The following CYP4F12 variants were observed in gnomAD, a reference collection of about 807,000 sequenced individuals.
The protein encoded by CYP4F12 is cytochrome P450 family 4 subfamily F member 12.
In CYP4F12, 60 loss-of-function variants were observed where a neutral mutation model predicts 56.5. That is an observed-to-expected ratio of 1.06 (90% CI 0.86 to 1.32). The LOEUF (loss-of-function observed/expected upper bound fraction) is 1.32. Ranked by LOEUF, CYP4F12 falls within the 40% of genes most tolerant of loss-of-function variation. The probability of loss-of-function intolerance (pLI) is 0.00; values close to 1 mark genes in which losing one functional copy is unlikely to be tolerated. For synonymous variants in CYP4F12, 263 were observed against 264.9 expected, an observed-to-expected ratio of 0.99 and a Z score of 0.07; for missense variants, 711 against 683.5, an observed-to-expected ratio of 1.04 and a Z score of -0.45.
chr19:15,694,054 G>C (rs151187032), intron 9 of CYP4F12, among the ~76,000 whole-genome samples: 51 of 151,926 alleles, frequency 3.4e-4, no homozygotes, highest in African/African-American at 1.1e-3. Context: ...CTAGATCTCT[G>C]TTTTGGTACC....
chr19:15,686,903 T>A (rs16980720), intron 9 of CYP4F12, among the ~76,000 whole-genome samples: 44,259 of 152,056 alleles, frequency 0.29, 7,158 homozygotes, highest in African/African-American at 0.42. Flanking sequence ...ACAGCAGTCC[T>A]AAAAGGTGGC....
intron 9 of CYP4F12, among the ~76,000 whole-genome samples, chr19:15,686,547 G>A (rs1034535621): frequency 6.6e-6 from 1 of 151,806 alleles, no homozygotes; most frequent in Admixed American, 6.6e-5. Flanking sequence ...GAAGGAGACA[G>A]AGAGAGAATG....
intron 1 of CYP4F12, 173 bp from the exon 2 acceptor site, chr19:15,673,356 T>G (rs1599934053): frequency 1.5e-6 from 1 of 665,674 alleles, no homozygotes; most frequent in Non-Finnish European, 2.6e-6. Flanking sequence ...GGAGGCCACT[T>G]AGTTGTTGGT....
chr19:15,694,490 T>G (rs1568426366), intron 9 of CYP4F12, among the ~76,000 whole-genome samples: 1 of 79,264 alleles, frequency 1.3e-5, no homozygotes, highest in Non-Finnish European at 2.6e-5. Flanking sequence ...GCTCTCTGTT[T>G]GTCTGTTATT....
intron 1 of CYP4F12, 72 bp downstream of exon 1, chr19:15,673,207 T>A (rs1187851442): frequency 2.0e-6 from 1 of 506,312 alleles, no homozygotes; most frequent in South Asian, 1.5e-5. Flanking sequence ...AAGGCTGGGG[T>A]GGCTCCAAGA....
At chr19:15,684,921 T>G (rs1384089300) in intron 8 of CYP4F12, 39 bp downstream of exon 8, 1 of 1,571,100 alleles carries the variant, frequency 6.4e-7, no homozygotes, top group Non-Finnish European at 8.7e-7. Flanking sequence ...GAGACAGAGG[T>G]CCCTCCATCT....
At chr19:15,694,585 T>G (rs2008033012) in intron 9 of CYP4F12, among the ~76,000 whole-genome samples, 1 of 152,174 alleles carries the variant, frequency 6.6e-6, no homozygotes, top group Admixed American at 6.5e-5. Context: ...TAAGGAGATT[T>G]TGGGCTGAGA....
chr19:15,693,732 C>T (rs1470235278), intron 9 of CYP4F12, among the ~76,000 whole-genome samples: 2 of 150,496 alleles, frequency 1.3e-5, no homozygotes, highest in African/African-American at 4.9e-5. Context: ...GTTGCCATTG[C>T]TTTTGGTGTT....
rs546203637 is a variant in CYP4F12, at chr19:15,694,042, A to G, written c.1116-1894A>G. 1.3e-3 allele frequency among the ~76,000 whole-genome samples: 196 copies of G among 151,958 alleles called. 2 individuals carry two copies. The highest frequency in any genetic ancestry group is 3.4e-3 in the Middle Eastern group (1 of 294). On this transcript the variant is annotated intron_variant, in intron 9 of 12. Transcript: ENST00000550308. ...CTGAGGGCTCTGTTCTGTTCCATTGATCTAGATCTCTGTTTTGGTACCAGT... is the reference window on the plus strand; with the variant it reads ...CTGAGGGCTCTGTTCTGTTCCATTGGTCTAGATCTCTGTTTTGGTACCAGT...
chr19:15,688,108 G>T (rs10420532), intron 9 of CYP4F12, among the ~76,000 whole-genome samples: 41,417 of 151,884 alleles, frequency 0.27, 5,607 homozygotes, highest in African/African-American at 0.36. Context: ...TATGGCCTGG[G>T]GCAGGGCTGA....
At position 15,673,609 on chromosome 19, in the gene CYP4F12, G is replaced by T; in HGVS notation, c.80G>T (p.Gly27Val). Residue 27 changes from glycine (G) to valine (V), a missense_variant, in exon 2 of 13, where the codon GGC becomes GTC. Gly to Val is a moderately radical substitution (Grantham distance 109). Coordinates refer to ENST00000550308, the MANE Select transcript of CYP4F12 (RefSeq NM_023944.4). Reference protein sequence around the residue: ...SPWLLLLLVVGSWLLARILAW... With the variant: ...SPWLLLLLVVVSWLLARILAW... ...TGGCTACTCCTGCTGCTGGTTGTGG[G>T]CTCCTGGCTACTCGCCCGCATCCTG... is the stretch of plus-strand genomic sequence containing the variant. 6.2e-7 allele frequency: 1 copy of T among 1,614,082 alleles called. No homozygotes were observed. Among genetic ancestry groups the T allele is most frequent in the Non-Finnish European group, 8.5e-7 (1 of 1,179,986 alleles).
chr19:15,696,765 T>C (rs969060999), intron 12 of CYP4F12, 143 bp from the exon 13 acceptor site: 1 of 1,197,528 alleles, frequency 8.4e-7, no homozygotes, highest in South Asian at 1.6e-5. Flanking sequence ...CAAGCCCACA[T>C]GGGAGTCCCA....
At chr19:15,676,354 A>C (rs73005962) in intron 2 of CYP4F12, among the ~76,000 whole-genome samples, 38 of 29,272 alleles carry the variant, frequency 1.3e-3, no homozygotes, top group African/African-American at 1.8e-3. Context: ...TTCTAATACC[A>C]ACTCACTCAT....
At chr19:15,677,035 AC>A (rs2006977137) in intron 2 of CYP4F12, among the ~76,000 whole-genome samples, 1 of 148,320 alleles carries the variant, frequency 6.7e-6, no homozygotes, top group Non-Finnish European at 1.5e-5. Context: ...TCCTCTCCTC[AC>A]TCACTCATTC....
Position 15,673,154 on chromosome 19 carries a change from C to A in CYP4F12, c.-2+19C>A. On this transcript the variant is annotated intron_variant, in intron 1 of 12. Coordinates refer to ENST00000550308, the MANE Select transcript of CYP4F12 (RefSeq NM_023944.4). ...ACAGAAGGTACCAGGCTGGGGGTGG[C>A]AGGGCTGGAAGGTCCTGGCCTGGGA... 1 of 462,380 alleles carries A rather than the reference C, an allele frequency of 2.2e-6. No homozygotes were observed. The highest frequency in any genetic ancestry group is 4.3e-6 in the Non-Finnish European group (1 of 234,404). 28.6% of individuals were successfully genotyped at this position (462,380 alleles called of 1,614,324 possible).
At position 15,680,457 on chromosome 19, in the gene CYP4F12, T is replaced by A; in HGVS notation, c.463T>A (p.Phe155Ile). 6.2e-7 allele frequency: 1 copy of A among 1,614,172 alleles called. No individual in the cohort carries two copies. The highest frequency in any genetic ancestry group is 8.5e-7 in the Non-Finnish European group (1 of 1,180,030). The change falls in exon 5 of 13, where the codon TTC becomes ATC. Residue 155 changes from phenylalanine (F) to isoleucine (I), a missense_variant. Transcript: ENST00000550308. Reference protein sequence around the residue: ...SRHRRMLTPAFHFNILKSYIT... With the variant: ...SRHRRMLTPAIHFNILKSYIT... The stretch of plus-strand genomic sequence containing the variant: ...CCACCGTCGGATGCTGACGCCCGCC[T>A]TCCATTTCAACATCCTGAAGTCCTA...
rs758965261 is a variant in CYP4F12, at chr19:15,678,340, G to A, written c.278G>A (p.Gly93Asp). The A allele has an allele frequency of 6.2e-7, 1 of 1,614,060 alleles. No homozygotes were observed. Among genetic ancestry groups the A allele is most frequent in the African/African-American group, 1.3e-5 (1 of 74,914 alleles). The change falls in exon 3 of 13, where the codon GGT becomes GAT. Residue 93 changes from glycine (G) to aspartate (D), a missense_variant. Coordinates refer to ENST00000550308, the MANE Select transcript of CYP4F12 (RefSeq NM_023944.4). ...TYSQGFTVWL[G>D]PIIPFIVLCH... ...TCCCAGGGCTTTACGGTATGGCTGG[G>A]TCCCATCATCCCCTTCATCGTTTTA...
At chr19:15,694,814 A>G (rs1160109653) in intron 9 of CYP4F12, among the ~76,000 whole-genome samples, 1 of 152,220 alleles carries the variant, frequency 6.6e-6, no homozygotes, top group East Asian at 1.9e-4. Context: ...ACCATCTCAC[A>G]CCAGTTAGAA....
Position 15,692,904 on chromosome 19 carries a change from T to C in CYP4F12, c.1116-3032T>C, listed in dbSNP as rs374709227. Among the ~76,000 whole-genome samples the C allele has an allele frequency of 2.7e-4, 36 of 135,080 alleles. No individual in the cohort carries two copies. In the South Asian group the frequency reaches 5.5e-3, roughly 21 times the overall value. The allele number at this position is 135,080 out of a possible 152,430, so 88.6% of individuals were successfully genotyped here. A position where few individuals can be genotyped will look rare whatever the true frequency, so the allele number is the denominator to read the frequency against. The stretch of plus-strand genomic sequence containing the variant: ...GCCTTGCCAAATTGGGGAAACTCCA[T>C]CTCTACTAAAAATAAAAAAAAAAAT... On this transcript the variant is annotated intron_variant, in intron 9 of 12. Coordinates refer to ENST00000550308, the MANE Select transcript of CYP4F12 (RefSeq NM_023944.4).
Sources: allele counts gnomAD v4.1 joint callset (sites outside exome capture counted in the v4.1 genomes callset), GRCh38; gene constraint gnomAD v4.1.1; transcripts MANE v1.5; gene names NCBI Gene and HGNC (gene_info 2026-07-23, HGNC 2026-07-21).